Variants in KIF16B observed in about 807,000 individuals in gnomAD.
KIF16B encodes the protein kinesin-like protein KIF16B.
KIF16B carries 98 observed loss-of-function variants against 156.3 expected under a neutral mutation model. The ratio of observed to expected loss-of-function variants is 0.63; its 90% CI spans 0.53 to 0.74. The LOEUF (loss-of-function observed/expected upper bound fraction) is 0.74, where lower values mean the gene tolerates loss of function less well. KIF16B is among the 30% of genes least tolerant of loss of function. The probability of loss-of-function intolerance (pLI) is 0.00; values close to 1 mark genes in which losing one functional copy is unlikely to be tolerated. For missense variants in KIF16B, 1,421 were observed against 1,606.5 expected (o/e 0.88, Z 1.97); for synonymous variants, 564 against 583.7 (o/e 0.97, Z 0.49).
At chr20:16,485,491 A>AT (rs1208833190) in intron 12 of KIF16B, among the ~76,000 whole-genome samples, 2 of 152,216 alleles carry the variant, frequency 1.3e-5, no homozygotes, top group African/African-American at 4.8e-5. Flanking sequence ...GATGAGCAAA[A>AT]TGTTTTCCCT....
At chr20:16,355,245 C>G (rs535697877) in intron 23 of KIF16B, among the ~76,000 whole-genome samples, 1 of 152,132 alleles carries the variant, frequency 6.6e-6, no homozygotes, top group Non-Finnish European at 1.5e-5. Context: ...CTTCCTCCCT[C>G]CCCACTCTGT....
At chr20:16,497,577 T>C in intron 11 of KIF16B, 36 bp downstream of exon 11, 1 of 1,504,724 alleles carries the variant, frequency 6.6e-7, no homozygotes, top group South Asian at 1.1e-5. Context: ...ATAGTAAAAG[T>C]TATGATTTAA....
intron 15 of KIF16B, 76 bp downstream of exon 15, chr20:16,427,028 A>G: frequency 7.9e-7 from 1 of 1,261,116 alleles, no homozygotes; most frequent in Non-Finnish European, 1.1e-6. Flanking sequence ...TAAGATGCAC[A>G]TGTTCCCCCA....
chr20:16,372,828 G>T (rs1271832525), intron 20 of KIF16B, among the ~76,000 whole-genome samples: 1 of 152,172 alleles, frequency 6.6e-6, no homozygotes, highest in Non-Finnish European at 1.5e-5. Context: ...CTCCCAGGTA[G>T]CTGGGATTAC....
chr20:16,307,849 C>T (rs1193676516), intron 25 of KIF16B, among the ~76,000 whole-genome samples: 5 of 151,882 alleles, frequency 3.3e-5, no homozygotes, highest in African/African-American at 9.6e-5. Context: ...GTTTCAGGCC[C>T]GTGGTTAAGA....
chr20:16,289,119 G>A (rs2063275534), intron 25 of KIF16B, among the ~76,000 whole-genome samples: 2 of 152,058 alleles, frequency 1.3e-5, no homozygotes, highest in Non-Finnish European at 2.9e-5. Context: ...CTACAGGTGG[G>A]CAAAATCATC....
Position 16,544,607 on chromosome 20 carries a change from C to CAAAA in KIF16B, c.48-16171_48-16168dup, listed in dbSNP as rs11472848. ...GGGTGACAAGAGTGAAAAGCCATCTCAAAAAAAAAAAAAAAAAAAAAAAAC... is the reference window on the plus strand; with the variant it reads ...GGGTGACAAGAGTGAAAAGCCATCTCAAAAAAAAAAAAAAAAAAAAAAAAAAAAC... On this transcript the variant is annotated intron_variant, in intron 1 of 25. Coordinates refer to ENST00000354981, the MANE Select transcript of KIF16B (RefSeq NM_024704.5). Among the ~76,000 whole-genome samples, 316 of 64,156 alleles carry CAAAA rather than the reference C, an allele frequency of 4.9e-3. 12 individuals are homozygous for CAAAA. The highest frequency in any genetic ancestry group is 0.035 in the Admixed American group (162 of 4,616). 42.1% of individuals were successfully genotyped at this position (64,156 alleles called of 152,430 possible).
intron 24 of KIF16B, among the ~76,000 whole-genome samples, chr20:16,326,550 C>A (rs1015894062): frequency 1.3e-5 from 2 of 151,670 alleles, no homozygotes; most frequent in Non-Finnish European, 2.9e-5. Context: ...ACACAAATGG[C>A]CAACAAACTT....
chr20:16,462,043 G>A (rs1332742928), intron 12 of KIF16B, among the ~76,000 whole-genome samples: 1 of 152,202 alleles, frequency 6.6e-6, no homozygotes, highest in Non-Finnish European at 1.5e-5. Flanking sequence ...GAGGTCAGGA[G>A]TTCGAGACCA....
intron 24 of KIF16B, among the ~76,000 whole-genome samples, chr20:16,325,051 C>T (rs1470872654): frequency 6.6e-6 from 1 of 151,940 alleles, no homozygotes; most frequent in Non-Finnish European, 1.5e-5. Context: ...AAACAAAAAT[C>T]CCATGATCAT....
At chr20:16,287,121 T>C (rs2063234340) in intron 25 of KIF16B, among the ~76,000 whole-genome samples, 2 of 152,184 alleles carry the variant, frequency 1.3e-5, no homozygotes, top group African/African-American at 4.8e-5. Flanking sequence ...TATACAATGA[T>C]AGATAACCAA....
At chr20:16,474,938 T>C (rs751029440) in intron 12 of KIF16B, among the ~76,000 whole-genome samples, 1 of 152,224 alleles carries the variant, frequency 6.6e-6, no homozygotes, top group Non-Finnish European at 1.5e-5. Flanking sequence ...TCATTATCTG[T>C]TTATGTTTGG....
intron 12 of KIF16B, among the ~76,000 whole-genome samples, chr20:16,462,528 G>C (rs1249817367): frequency 6.6e-6 from 1 of 152,102 alleles, no homozygotes; most frequent in East Asian, 1.9e-4. Flanking sequence ...TTTCTGTTAA[G>C]AATAAATCTA....
At chr20:16,389,327 A>T (rs1372766973) in intron 17 of KIF16B, among the ~76,000 whole-genome samples, 1 of 152,154 alleles carries the variant, frequency 6.6e-6, no homozygotes, top group African/African-American at 2.4e-5. Context: ...CCAACTTTCA[A>T]TATGTACTGA....
intron 3 of KIF16B, among the ~76,000 whole-genome samples, chr20:16,522,876 C>A (rs973292732): frequency 6.6e-6 from 1 of 152,074 alleles, no homozygotes; most frequent in Non-Finnish European, 1.5e-5. Context: ...CACTCAAAAC[C>A]GCACAATCAC....
chr20:16,316,901 A>G (rs915408229), intron 24 of KIF16B, among the ~76,000 whole-genome samples: 1 of 152,244 alleles, frequency 6.6e-6, no homozygotes, highest in African/African-American at 2.4e-5. Context: ...AAGACCAAAG[A>G]AAACAACCGA....
At chr20:16,470,935 C>T (rs746613411) in intron 12 of KIF16B, among the ~76,000 whole-genome samples, 14 of 152,186 alleles carry the variant, frequency 9.2e-5, no homozygotes, top group Middle Eastern at 3.4e-3. Flanking sequence ...GTTCTCACCT[C>T]GTCTTCCCTT....
Position 16,280,841 on chromosome 20 carries a change from C to CGTGTGTGTGTGTGTGTGTGTGT in KIF16B, c.3796-7452_3796-7431dup, listed in dbSNP as rs1555833614. Among the ~76,000 whole-genome samples the CGTGTGTGTGTGTGTGTGTGTGT allele has an allele frequency of 7.6e-3, 569 of 74,430 alleles. 5 individuals are homozygous for CGTGTGTGTGTGTGTGTGTGTGT. Among genetic ancestry groups the CGTGTGTGTGTGTGTGTGTGTGT allele is most frequent in the African/African-American group, 0.027 (542 of 20,102 alleles). 48.8% of individuals were successfully genotyped at this position (74,430 alleles called of 152,430 possible). A position where few individuals can be genotyped will look rare whatever the true frequency, so the allele number is the denominator to read the frequency against. On this transcript the variant is annotated intron_variant, in intron 25 of 25. Coordinates refer to ENST00000354981, the MANE Select transcript of KIF16B (RefSeq NM_024704.5). ...ATTTCAGTCAACTGCTGCGCGCGCA[C>CGTGTGTGTGTGTGTGTGTGTGT]GTGTGTGTGTGTGTGTGTGTGTGTG...
intron 23 of KIF16B, among the ~76,000 whole-genome samples, chr20:16,341,958 T>C (rs1012622893): frequency 1.3e-5 from 2 of 152,140 alleles, no homozygotes; most frequent in Admixed American, 6.5e-5. Flanking sequence ...AAATATAGTA[T>C]ATTCGTAGGT....
Sources: gnomAD v4.1 joint callset for allele counts (sites outside exome capture counted in the v4.1 genomes callset) on GRCh38, gnomAD v4.1.1 for gene constraint, MANE v1.5 for transcripts, NCBI Gene and HGNC (gene_info 2026-07-23, HGNC 2026-07-21) for gene names.